Variants in NOL4 observed in about 807,000 individuals in gnomAD.
The protein encoded by NOL4 is nucleolar protein 4.
In NOL4, 17 loss-of-function variants were observed where a neutral mutation model predicts 75.9. That is an observed-to-expected ratio of 0.22 (90% CI 0.15 to 0.34). The LOEUF is 0.34. Among genes scored for constraint, NOL4 ranks in the 10% least tolerant of loss-of-function variants. NOL4 has a pLI of 1.00. For missense variants in NOL4, 614 were observed against 793.5 expected, an observed-to-expected ratio of 0.77 and a Z score of 2.72; for synonymous variants, 292 against 289.9, an observed-to-expected ratio of 1.01 and a Z score of -0.07.
At chr18:34,208,767 C>G (rs933694125) in intron 1 of NOL4, among the ~76,000 whole-genome samples, 2 of 152,056 alleles carry the variant, frequency 1.3e-5, no homozygotes, top group Non-Finnish European at 2.9e-5. Flanking sequence ...GAGGCTGAGG[C>G]AGGAGAATCA....
chr18:33,978,651 C>T (rs902821089), intron 6 of NOL4, among the ~76,000 whole-genome samples: 14 of 151,924 alleles, frequency 9.2e-5, no homozygotes, highest in Non-Finnish European at 2.1e-4. Context: ...TTCCAGGACC[C>T]CTGCTGATAC....
At chr18:34,181,738 G>T (rs1198563832) in intron 1 of NOL4, among the ~76,000 whole-genome samples, 1 of 151,218 alleles carries the variant, frequency 6.6e-6, no homozygotes, top group Non-Finnish European at 1.5e-5. Flanking sequence ...AATTGAAGTG[G>T]GCTAAGTGTT....
At chr18:34,011,929 C>T (rs1446992657) in intron 6 of NOL4, among the ~76,000 whole-genome samples, 1 of 151,766 alleles carries the variant, frequency 6.6e-6, no homozygotes, top group Non-Finnish European at 1.5e-5. Context: ...CACATTTCAC[C>T]GAATGTGCAG....
At chr18:34,143,233 G>C (rs966239911) in intron 1 of NOL4, among the ~76,000 whole-genome samples, 2 of 151,942 alleles carry the variant, frequency 1.3e-5, no homozygotes, top group Admixed American at 6.6e-5. Context: ...AGAGTGTGCT[G>C]GTAACTATTT....
intron 9 of NOL4, among the ~76,000 whole-genome samples, chr18:33,901,927 G>A (rs2065770717): frequency 6.6e-6 from 1 of 152,034 alleles, no homozygotes; most frequent in South Asian, 2.1e-4. Flanking sequence ...AGAAGGCTAT[G>A]AATATGAAGA....
At chr18:33,923,828 A>G (rs1467355415) in intron 9 of NOL4, among the ~76,000 whole-genome samples, 1 of 152,184 alleles carries the variant, frequency 6.6e-6, no homozygotes, top group Non-Finnish European at 1.5e-5. Context: ...AGCAACAACC[A>G]GTTTACAGCA....
chr18:34,172,321 A>T (rs1312018317), intron 1 of NOL4, among the ~76,000 whole-genome samples: 1 of 152,128 alleles, frequency 6.6e-6, no homozygotes, highest in Non-Finnish European at 1.5e-5. Flanking sequence ...TAAAGTAAAA[A>T]ATCAACTTAT....
chr18:33,918,580 G>A (rs1302807485), intron 9 of NOL4, among the ~76,000 whole-genome samples: 5 of 152,138 alleles, frequency 3.3e-5, no homozygotes, highest in Admixed American at 6.6e-5. Flanking sequence ...CTAAAGAAAC[G>A]TGTAAAGGAG....
chr18:34,203,591 C>T (rs2035890964), intron 1 of NOL4, among the ~76,000 whole-genome samples: 1 of 151,586 alleles, frequency 6.6e-6, no homozygotes, highest in South Asian at 2.1e-4. Flanking sequence ...CTTACAATTG[C>T]ATGTGAATCT....
intron 9 of NOL4, among the ~76,000 whole-genome samples, chr18:33,905,230 C>T (rs1177860422): frequency 6.6e-6 from 1 of 152,146 alleles, no homozygotes; most frequent in Admixed American, 6.5e-5. Flanking sequence ...TCACTCATCC[C>T]ACAGATGTGG....
chr18:34,086,950 G>A (rs938042723), intron 5 of NOL4, among the ~76,000 whole-genome samples: 1 of 152,142 alleles, frequency 6.6e-6, no homozygotes, highest in African/African-American at 2.4e-5. Flanking sequence ...TACTAGGAAT[G>A]AACTTACATG....
chr18:33,892,821 T>G (rs1272617194), intron 9 of NOL4, among the ~76,000 whole-genome samples: 1 of 151,882 alleles, frequency 6.6e-6, no homozygotes, highest in Non-Finnish European at 1.5e-5. Context: ...CCTTCCTGGC[T>G]AATTTTTTTC....
chr18:34,223,151 G>C lies in NOL4; in HGVS notation c.103C>G (p.Arg35Gly). ...TKTVTRKKYE[R>G]IVQLLNGSES... is the part of the protein sequence containing the mutation. ...GAGCCATTGAGGAGCTGGACGATCC[G>C]TTCGTATTTTTTACGGGTCACCGTC... Residue 35 changes from arginine to glycine, a missense_variant, in exon 1 of 11, where the codon CGG (arginine) becomes GGG (glycine). Physicochemically the swap from Arg to Gly is moderately radical, Grantham distance 125. Coordinates refer to ENST00000261592, the MANE Select transcript of NOL4 (RefSeq NM_003787.5). 6.2e-7 allele frequency: 1 copy of C among 1,614,170 alleles called. No homozygotes were observed. Among genetic ancestry groups the C allele is most frequent in the Non-Finnish European group, 8.5e-7 (1 of 1,180,040 alleles).
intron 9 of NOL4, among the ~76,000 whole-genome samples, chr18:33,892,893 C>T (rs973474828): frequency 6.6e-6 from 1 of 151,980 alleles, no homozygotes; most frequent in African/African-American, 2.4e-5. Context: ...GAACTCTTGA[C>T]CTCAAGCTAT....
At chr18:34,050,784 C>T (rs1205464592) in intron 5 of NOL4, among the ~76,000 whole-genome samples, 1 of 152,012 alleles carries the variant, frequency 6.6e-6, no homozygotes, top group Non-Finnish European at 1.5e-5. Flanking sequence ...GTAGGAAAAA[C>T]AGCACTTTTC....
At position 34,196,518 on chromosome 18, in the gene NOL4, G is replaced by C. The variant is rs558667682; in HGVS notation, c.264+26472C>G. Among the ~76,000 whole-genome samples the C allele has an allele frequency of 2.0e-5, 3 of 152,214 alleles. No homozygotes were observed. The East Asian group carries it at 5.8e-4, about 29-fold the overall frequency. On this transcript the variant is annotated intron_variant, in intron 1 of 10. Coordinates refer to ENST00000261592, the MANE Select transcript of NOL4 (RefSeq NM_003787.5). ...TCCTCTAAGTGAAGTTGACATTACT[G>C]AGCTATTGTCAGTAGAACATGAATT...
intron 9 of NOL4, among the ~76,000 whole-genome samples, chr18:33,905,090 C>G (rs1897887070): frequency 6.6e-6 from 1 of 152,134 alleles, no homozygotes; most frequent in Non-Finnish European, 1.5e-5. Flanking sequence ...CTCTTTGAAA[C>G]ATTATATGAT....
At chr18:34,125,814 TA>T (rs1318018531) in intron 2 of NOL4, among the ~76,000 whole-genome samples, 3 of 152,134 alleles carry the variant, frequency 2.0e-5, no homozygotes, top group Non-Finnish European at 4.4e-5. Context: ...TTAACAGATT[TA>T]ATCTTTGGGA....
At chr18:33,876,960 G>C (rs1386512887) in intron 10 of NOL4, among the ~76,000 whole-genome samples, 2 of 151,984 alleles carry the variant, frequency 1.3e-5, no homozygotes, top group African/African-American at 4.8e-5. Context: ...ATATACACTA[G>C]ACAAATTCTC....
Sources: allele counts gnomAD v4.1 joint callset (sites outside exome capture counted in the v4.1 genomes callset), GRCh38; gene constraint gnomAD v4.1.1; transcripts MANE v1.5; gene names NCBI Gene and HGNC (gene_info 2026-07-23, HGNC 2026-07-21).